The following MCPH1 variants were observed in gnomAD, a reference collection of about 807,000 sequenced individuals.
MCPH1 encodes the protein microcephalin.
A neutral mutation model predicts 84.5 loss-of-function variants in MCPH1; 104 were observed. That is an observed-to-expected ratio of 1.23 (90% CI 1.05 to 1.45). The LOEUF (loss-of-function observed/expected upper bound fraction) is 1.45, where lower values mean the gene tolerates loss of function less well. Among genes scored for constraint, MCPH1 ranks in the 40% most tolerant of loss-of-function variants. The pLI, the probability that MCPH1 is intolerant of heterozygous loss-of-function variation, is 0.00. For missense variants in MCPH1, 1,498 were observed against 1,005.7 expected, an observed-to-expected ratio of 1.49 and a Z score of -6.62; for synonymous variants, 514 against 366.8, an observed-to-expected ratio of 1.40 and a Z score of -4.58.
rs199652275 is a variant in MCPH1, at chr8:6,491,066, AT to A, written c.2137-8776del. Among the ~76,000 whole-genome samples the A allele has an allele frequency of 3.6e-4, 38 of 105,328 alleles. 1 individual carries two copies. The highest frequency in any genetic ancestry group is 1.4e-3 in the South Asian group (4 of 2,854). 69.1% of individuals were successfully genotyped at this position (105,328 alleles called of 152,430 possible). A position where few individuals can be genotyped will look rare whatever the true frequency, so the allele number is the denominator to read the frequency against. Reference sequence around the variant, plus strand: ...TAAAAAATAAAATTTATCAAAAAAAATTTTTTTTTTACTTTTGAAGCATTGG... The same window carrying A: ...TAAAAAATAAAATTTATCAAAAAAAATTTTTTTTTACTTTTGAAGCATTGG... On this transcript the variant is annotated intron_variant, in intron 11 of 13. Coordinates refer to ENST00000344683, the MANE Select transcript of MCPH1 (RefSeq NM_024596.5).
chr8:6,407,073 T>G (rs34554844), intron 1 of MCPH1: 10,321 of 322,532 alleles, frequency 0.032, 725 homozygotes, highest in East Asian at 0.25. Flanking sequence ...ATCCCGCCTT[T>G]CCCCCTACCT....
intron 12 of MCPH1, among the ~76,000 whole-genome samples, chr8:6,529,243 T>G (rs1285505889): frequency 6.6e-6 from 1 of 152,166 alleles, no homozygotes. Flanking sequence ...CTCATTCCCT[T>G]TAAGATATGA....
intron 3 of MCPH1, among the ~76,000 whole-genome samples, chr8:6,415,283 G>A (rs1272189844): frequency 1.1e-5 from 1 of 93,866 alleles, no homozygotes; most frequent in Non-Finnish European, 2.1e-5. Context: ...TTGTCAACAG[G>A]GTTGGTATCT....
chr8:6,480,665 A>C (rs756366711), intron 10 of MCPH1, 49 bp from the exon 11 acceptor site: 2 of 1,607,906 alleles, frequency 1.2e-6, no homozygotes, highest in Non-Finnish European at 1.7e-6. Context: ...TTTGATGGGC[A>C]TGTGCAACAA....
chr8:6,634,202 A>G lies in MCPH1; in HGVS notation c.2453-8792A>G, dbSNP rs1031722849. Among the ~76,000 whole-genome samples the G allele has an allele frequency of 1.7e-4, 26 of 152,240 alleles. 1 individual carries two copies. The highest frequency in any genetic ancestry group is 1.3e-3 in the East Asian group (7 of 5,204). On this transcript the variant is annotated intron_variant, in intron 13 of 13. Coordinates refer to ENST00000344683, the MANE Select transcript of MCPH1 (RefSeq NM_024596.5). Reference sequence around the variant, plus strand: ...TAGGCTGATCATGAAACAAGCGAAGATCTATCCTGATGAACTGAAAATTGA... The same window carrying G: ...TAGGCTGATCATGAAACAAGCGAAGGTCTATCCTGATGAACTGAAAATTGA...
intron 12 of MCPH1, among the ~76,000 whole-genome samples, chr8:6,516,735 C>G (rs2916725): frequency 6.6e-6 from 1 of 152,010 alleles, no homozygotes; most frequent in African/African-American, 2.4e-5. Context: ...AAAGCATTGA[C>G]GTGGCTCTTG....
At chr8:6,596,157 T>C (rs1828910023) in intron 12 of MCPH1, among the ~76,000 whole-genome samples, 1 of 152,192 alleles carries the variant, frequency 6.6e-6, no homozygotes, top group South Asian at 2.1e-4. Context: ...TGACACATCT[T>C]CCATGGACAT....
chr8:6,499,159 T>C (rs998357356), intron 11 of MCPH1, among the ~76,000 whole-genome samples: 1 of 152,136 alleles, frequency 6.6e-6, no homozygotes, highest in Non-Finnish European at 1.5e-5. Context: ...TTCTGGTGTA[T>C]GGAGACAGAT....
chr8:6,498,111 G>C (rs909661962), intron 11 of MCPH1, among the ~76,000 whole-genome samples: 5 of 152,116 alleles, frequency 3.3e-5, no homozygotes, highest in African/African-American at 9.7e-5. Flanking sequence ...GCAAGGTTTT[G>C]GTTTTATGAA....
chr8:6,573,945 T>C (rs1826861928), intron 12 of MCPH1, among the ~76,000 whole-genome samples: 1 of 152,248 alleles, frequency 6.6e-6, no homozygotes, highest in African/African-American at 2.4e-5. Flanking sequence ...CCTAGGTTTG[T>C]GGAAGAAGCA....
chr8:6,575,204 T>G (rs1826971168), intron 12 of MCPH1, among the ~76,000 whole-genome samples: 1 of 152,254 alleles, frequency 6.6e-6, no homozygotes, highest in African/African-American at 2.4e-5. Flanking sequence ...CCTATTTTCC[T>G]GATTAATCTC....
At chr8:6,524,189 C>T (rs184107897) in intron 12 of MCPH1, among the ~76,000 whole-genome samples, 99 of 152,228 alleles carry the variant, frequency 6.5e-4, no homozygotes, top group African/African-American at 2.3e-3. Context: ...GGAAGGGGAC[C>T]TCATATTCCC....
intron 9 of MCPH1, among the ~76,000 whole-genome samples, chr8:6,468,601 C>T (rs1034709989): frequency 6.6e-6 from 1 of 150,412 alleles, no homozygotes; most frequent in Non-Finnish European, 1.5e-5. Flanking sequence ...ATTGTTTGAA[C>T]ACTTTAGACA....
At chr8:6,583,388 A>G (rs1827719053) in intron 12 of MCPH1, among the ~76,000 whole-genome samples, 1 of 152,228 alleles carries the variant, frequency 6.6e-6, no homozygotes, top group Admixed American at 6.5e-5. Context: ...ACAAATATTT[A>G]CTGAAGACTT....
At chr8:6,456,349 C>T (rs1350549992) in intron 9 of MCPH1, among the ~76,000 whole-genome samples, 1 of 152,202 alleles carries the variant, frequency 6.6e-6, no homozygotes, top group Non-Finnish European at 1.5e-5. Flanking sequence ...CGCTGCCTCC[C>T]AGGGGTGGGG....
At chr8:6,573,606 C>T (rs1307953362) in intron 12 of MCPH1, among the ~76,000 whole-genome samples, 2 of 152,016 alleles carry the variant, frequency 1.3e-5, no homozygotes, top group East Asian at 1.9e-4. Context: ...ATTTGCCAAA[C>T]CTGGCCAACT....
chr8:6,525,911 C>T (rs1056766750), intron 12 of MCPH1, among the ~76,000 whole-genome samples: 1 of 152,064 alleles, frequency 6.6e-6, no homozygotes. Flanking sequence ...ACATAATTGA[C>T]CCAAATTGGT....
chr8:6,607,146 G>T (rs1485915357), intron 12 of MCPH1, among the ~76,000 whole-genome samples: 2 of 152,114 alleles, frequency 1.3e-5, no homozygotes, highest in African/African-American at 4.8e-5. Context: ...TCCCCTCCTT[G>T]CCCTTCTCCC....
intron 12 of MCPH1, among the ~76,000 whole-genome samples, chr8:6,515,288 C>T (rs530045226): frequency 3.9e-5 from 6 of 152,256 alleles, no homozygotes; most frequent in South Asian, 2.1e-4. Flanking sequence ...GTTACATTCT[C>T]GTACTGTGGG....
Sources: gnomAD v4.1 joint callset for allele counts (sites outside exome capture counted in the v4.1 genomes callset) on GRCh38, gnomAD v4.1.1 for gene constraint, MANE v1.5 for transcripts, NCBI Gene and HGNC (gene_info 2026-07-23, HGNC 2026-07-21) for gene names.